Variants in TNFSF13B observed in about 807,000 individuals in gnomAD.
TNFSF13B encodes the protein TNF superfamily member 13b, also known as tumor necrosis factor ligand superfamily member 13B.
In TNFSF13B, 8 loss-of-function variants were observed where a neutral mutation model predicts 29.1. The ratio of observed to expected loss-of-function variants is 0.27; its 90% CI spans 0.16 to 0.50. TNFSF13B has a LOEUF of 0.50. Among genes scored for constraint, TNFSF13B ranks in the 20% least tolerant of loss-of-function variants. The probability of loss-of-function intolerance (pLI) is 0.98; values close to 1 mark genes in which losing one functional copy is unlikely to be tolerated. For missense variants in TNFSF13B, 248 were observed against 334.9 expected, an observed-to-expected ratio of 0.74 and a Z score of 2.03; for synonymous variants, 125 against 130.8, an observed-to-expected ratio of 0.96 and a Z score of 0.30.
intron 5 of TNFSF13B, among the ~76,000 whole-genome samples, chr13:108,306,251 G>A (rs1163122238): frequency 1.3e-5 from 2 of 152,016 alleles, no homozygotes; most frequent in African/African-American, 4.8e-5. Context: ...AAATATAAGA[G>A]GTTGTGAAAA....
intron 2 of TNFSF13B, among the ~76,000 whole-genome samples, chr13:108,281,621 G>A (rs1162496973): frequency 2.0e-4 from 30 of 152,046 alleles, no homozygotes; most frequent in African/African-American, 2.4e-5. Flanking sequence ...TCAAGTACAA[G>A]GTCTGTCAGG....
rs1306579997 is a variant in TNFSF13B at position 108,307,054 on chromosome 13, AC to A, written c.*118del. On this transcript the variant is annotated 3_prime_UTR_variant, in exon 6 of 6. Coordinates refer to ENST00000375887, the MANE Select transcript of TNFSF13B (RefSeq NM_006573.5). Reference sequence around the variant, plus strand: ...AAAAAAAAAAAAAAAAAAAGTAGTTACCATTGCCTTTTCTGTGAGCTATTTG... The same window carrying A: ...AAAAAAAAAAAAAAAAAAAGTAGTTACATTGCCTTTTCTGTGAGCTATTTG... 2 of 665,404 alleles carry A rather than the reference AC, an allele frequency of 3.0e-6. No homozygotes were observed. The highest frequency in any genetic ancestry group is 3.7e-5 in the Admixed American group (1 of 26,764). 41.2% of individuals were successfully genotyped at this position (665,404 alleles called of 1,614,324 possible).
In TNFSF13B at chr13:108,269,767, C is replaced by T. The variant is rs956496431; in HGVS notation, c.-129C>T. ...AAAGGAGAAAATTCAGGATAACTCTCCTGAGGGGTGAGCCAAGCCCTGCCA... is the reference window on the plus strand; with the variant it reads ...AAAGGAGAAAATTCAGGATAACTCTTCTGAGGGGTGAGCCAAGCCCTGCCA... On this transcript the variant is annotated 5_prime_UTR_variant, in exon 1 of 6. Transcript: ENST00000375887. 4 of 848,416 alleles carry T rather than the reference C, an allele frequency of 4.7e-6. No individual in the cohort carries two copies. Among genetic ancestry groups the T allele is most frequent in the Non-Finnish European group, 7.4e-6 (4 of 542,002 alleles). 52.6% of individuals were successfully genotyped at this position (848,416 alleles called of 1,614,324 possible). A position where few individuals can be genotyped will look rare whatever the true frequency, so the allele number is the denominator to read the frequency against.
intron 3 of TNFSF13B, among the ~76,000 whole-genome samples, chr13:108,292,489 A>G (rs1348606816): frequency 6.6e-6 from 1 of 152,084 alleles, no homozygotes; most frequent in East Asian, 1.9e-4. Flanking sequence ...GATGAGTAGA[A>G]TTGCTGAGAA....
chr13:108,306,827 C>A lies in TNFSF13B; in HGVS notation c.747C>A (p.Gly249=). 1.3e-6 allele frequency: 2 copies of A among 1,585,466 alleles called. No individual in the cohort carries two copies. Among genetic ancestry groups the A allele is most frequent in the Non-Finnish European group, 1.7e-6 (2 of 1,156,930 alleles). Residue 249 remains glycine (G), a splice_region_variant and synonymous_variant, in exon 6 of 6, where the codon GGC becomes GGA. Coordinates refer to ENST00000375887, the MANE Select transcript of TNFSF13B (RefSeq NM_006573.5). ...TLPNNSCYSA[G]IAKLEEGDEL... The stretch of plus-strand genomic sequence containing the variant: ...TTCTTGTAAATCATTTTTTCCCAGG[C>A]ATTGCAAAACTGGAAGAAGGAGATG...
intron 3 of TNFSF13B, among the ~76,000 whole-genome samples, chr13:108,287,669 TAGAA>T (rs756359653): frequency 2.0e-4 from 30 of 152,166 alleles, no homozygotes; most frequent in Non-Finnish European, 1.5e-4. Context: ...GTAAAAATCA[TAGAA>T]AGAGGAAAAT....
chr13:108,282,062 A>G (rs1259628887), intron 2 of TNFSF13B, among the ~76,000 whole-genome samples: 1 of 152,202 alleles, frequency 6.6e-6, no homozygotes, highest in Non-Finnish European at 1.5e-5. Flanking sequence ...GCCGTCCAAG[A>G]TCCTCCTTCT....
At chr13:108,286,963 A>G in intron 3 of TNFSF13B, 104 bp downstream of exon 3, 1 of 639,242 alleles carries the variant, frequency 1.6e-6, no homozygotes, top group Non-Finnish European at 2.5e-6. Context: ...CTATGCAGCC[A>G]TAAAAAATGA....
At chr13:108,300,544 C>T (rs903947442) in intron 3 of TNFSF13B, among the ~76,000 whole-genome samples, 13 of 152,076 alleles carry the variant, frequency 8.5e-5, no homozygotes, top group African/African-American at 2.2e-4. Context: ...TTCAGCACTC[C>T]AAAAAGTGCT....
chr13:108,298,911 C>G lies in TNFSF13B; in HGVS notation c.482-4342C>G, dbSNP rs144463907. ...ACTCGAACCCCAGAGGCAGAGGTTG[C>G]AGTAAGCCAAGATGGCACCCCTGTC... On this transcript the variant is annotated intron_variant, in intron 3 of 5. Transcript: ENST00000375887. Among the ~76,000 whole-genome samples, 152 of 145,668 alleles carry G rather than the reference C, an allele frequency of 1.0e-3. 4 individuals carry two copies. In the East Asian group the frequency reaches 0.027, roughly 26 times the overall value.
chr13:108,283,254 C>T (rs1881010799), intron 2 of TNFSF13B, among the ~76,000 whole-genome samples: 2 of 152,194 alleles, frequency 1.3e-5, no homozygotes, highest in Non-Finnish European at 2.9e-5. Context: ...TTGGAAAAGT[C>T]GAGTAACTTT....
chr13:108,280,610 T>G (rs1880914766), intron 2 of TNFSF13B, among the ~76,000 whole-genome samples: 1 of 152,134 alleles, frequency 6.6e-6, no homozygotes, highest in Non-Finnish European at 1.5e-5. Flanking sequence ...CATAATTCAG[T>G]GAAGTCATGG....
At chr13:108,287,891 T>C (rs538390277) in intron 3 of TNFSF13B, among the ~76,000 whole-genome samples, 4 of 152,342 alleles carry the variant, frequency 2.6e-5, no homozygotes, top group East Asian at 3.9e-4. Context: ...CAACTTTTAA[T>C]GTCATTTCCC....
At position 108,286,825 on chromosome 13, in the gene TNFSF13B, G is replaced by T; in HGVS notation, c.447G>T (p.Leu149=). ...EETVTQDCLQ[L]IADSETPTIQ... is the part of the protein sequence containing the mutation. ...TAGTCACTCAAGACTGCTTGCAACT[G>T]ATTGCAGACAGTGAAACACCAACTA... Residue 149 remains leucine, a synonymous_variant, in exon 3 of 6, where the codon CTG becomes CTT. Transcript: ENST00000375887. 1 of 1,573,090 alleles carries T rather than the reference G, an allele frequency of 6.4e-7. No individual in the cohort carries two copies. Among genetic ancestry groups the T allele is most frequent in the East Asian group, 2.3e-5 (1 of 43,704 alleles).
At chr13:108,297,521 CCAAATATTCTTTTTT>C in intron 3 of TNFSF13B, among the ~76,000 whole-genome samples, 1 of 145,656 alleles carries the variant, frequency 6.9e-6, no homozygotes, top group East Asian at 1.9e-4. Context: ...CATTATTTCT[CCAAATATTCTTTTTT>C]CAAATTTTCT....
chr13:108,281,020 G>A (rs1183761080), intron 2 of TNFSF13B, among the ~76,000 whole-genome samples: 5 of 152,162 alleles, frequency 3.3e-5, no homozygotes, highest in Non-Finnish European at 5.9e-5. Flanking sequence ...GCTGAGGTAG[G>A]TGGATCACCT....
intron 3 of TNFSF13B, among the ~76,000 whole-genome samples, chr13:108,299,932 T>C (rs1240581209): frequency 6.6e-6 from 1 of 152,184 alleles, no homozygotes; most frequent in Admixed American, 6.5e-5. Flanking sequence ...TAAGTATTTG[T>C]TTTATTTTCT....
chr13:108,283,868 C>T (rs1468456826), intron 2 of TNFSF13B, among the ~76,000 whole-genome samples: 1 of 152,154 alleles, frequency 6.6e-6, no homozygotes, highest in Non-Finnish European at 1.5e-5. Flanking sequence ...GATACTAATT[C>T]CATTCATGAG....
intron 2 of TNFSF13B, among the ~76,000 whole-genome samples, chr13:108,284,130 C>G (rs566736019): frequency 2.6e-5 from 4 of 152,100 alleles, no homozygotes; most frequent in Non-Finnish European, 5.9e-5. Context: ...GAGATCGAGA[C>G]CATCCTGGCT....
Sources: gnomAD v4.1 joint callset for allele counts (sites outside exome capture counted in the v4.1 genomes callset) on GRCh38, gnomAD v4.1.1 for gene constraint, MANE v1.5 for transcripts, NCBI Gene and HGNC (gene_info 2026-07-23, HGNC 2026-07-21) for gene names.